The following CCNL1 variants were observed in gnomAD, a reference collection of about 807,000 sequenced individuals.
CCNL1 encodes cyclin-L1.
A neutral mutation model predicts 60.6 loss-of-function variants in CCNL1; 13 were observed. That is an observed-to-expected ratio of 0.21 (90% CI 0.14 to 0.34). The LOEUF is 0.34. CCNL1 is among the 10% of genes least tolerant of loss of function. The pLI is 1.00. For missense variants in CCNL1, 481 were observed against 664.3 expected (o/e 0.72, Z 3.03); for synonymous variants, 270 against 244.3 (o/e 1.10, Z -0.98).
chr3:157,159,640 G>A (rs976411679), intron 1 of CCNL1, 152 bp downstream of exon 1: 6 of 968,710 alleles, frequency 6.2e-6, no homozygotes, highest in South Asian at 3.5e-5. Flanking sequence ...GCAGCCCCCC[G>A]CCCCGGCACG....
intron 4 of CCNL1, 22 bp from the exon 5 acceptor site, chr3:157,152,263 C>T (rs768898067): frequency 1.9e-6 from 3 of 1,601,046 alleles, no homozygotes; most frequent in Non-Finnish European, 2.6e-6. Flanking sequence ...GGGAAAAAAA[C>T]TCAATTCAGT....
At chr3:157,147,244 C>CA (rs1388476210), downstream of CCNL1, among the ~76,000 whole-genome samples, 1 of 151,994 alleles carries the variant, frequency 6.6e-6, no homozygotes, top group Non-Finnish European at 1.5e-5. Context: ...AACTGATTTC[C>CA]AAAATGTTGA....
At chr3:157,149,737 A>G in intron 8 of CCNL1, 99 bp downstream of exon 8, 17 of 1,493,822 alleles carry the variant, frequency 1.1e-5, no homozygotes, top group Non-Finnish European at 1.5e-5. Flanking sequence ...GCAGTTTCCT[A>G]ACATCATTTT....
At chr3:157,152,396 C>T (rs1738261593) in intron 4 of CCNL1, 155 bp from the exon 5 acceptor site, 2 of 1,341,102 alleles carry the variant, frequency 1.5e-6, no homozygotes. Context: ...CTAATGTGAA[C>T]TGCTACATGA....
downstream of CCNL1, chr3:157,146,451 C>G (rs1425238469): frequency 2.4e-6 from 1 of 424,498 alleles, no homozygotes; most frequent in Admixed American, 2.8e-5. Context: ...TCTTCACAAA[C>G]AACCCTCACC....
chr3:157,159,120 AC>A (rs1274311818), intron 2 of CCNL1, 145 bp from the exon 3 acceptor site: 7 of 640,858 alleles, frequency 1.1e-5, no homozygotes, highest in Non-Finnish European at 1.9e-5. Context: ...CTAGTACTAT[AC>A]TTTTTGTTGT....
intron 3 of CCNL1, among the ~76,000 whole-genome samples, chr3:157,155,189 C>G (rs947970810): frequency 1.3e-5 from 2 of 152,160 alleles, no homozygotes; most frequent in Admixed American, 1.3e-4. Flanking sequence ...AAGACGGTAT[C>G]ATCAAAATCC....
intron 3 of CCNL1, 147 bp downstream of exon 3, chr3:157,158,719 G>C: frequency 1.8e-6 from 1 of 545,024 alleles, no homozygotes. Context: ...TTAAGTATCA[G>C]TGTTCCTATA....
At position 157,147,602 on chromosome 3, in the gene CCNL1, G is replaced by T; in HGVS notation, c.*639C>A. The T allele has an allele frequency of 1.0e-6, 1 of 985,266 alleles. No homozygotes were observed. Among genetic ancestry groups the T allele is most frequent in the Non-Finnish European group, 1.2e-6 (1 of 829,866 alleles). 61.0% of individuals were successfully genotyped at this position (985,266 alleles called of 1,614,324 possible). Reference sequence around the variant, plus strand: ...AACATTTAATGTCACATTGTTGGGCGACTCCCATTTACTTTTTCCATATAT... The same window carrying T: ...AACATTTAATGTCACATTGTTGGGCTACTCCCATTTACTTTTTCCATATAT... On this transcript the variant is annotated 3_prime_UTR_variant, in exon 11 of 11. Coordinates refer to ENST00000295926, the MANE Select transcript of CCNL1 (RefSeq NM_020307.4).
chr3:157,152,836 T>G, intron 4 of CCNL1, 200 bp downstream of exon 4: 1 of 1,324,188 alleles, frequency 7.6e-7, no homozygotes, highest in Non-Finnish European at 9.6e-7. Context: ...GATTTAAGAT[T>G]TGAACCTACA....
intron 2 of CCNL1, 66 bp from the exon 3 acceptor site, chr3:157,159,041 G>C (rs1401643407): frequency 9.3e-7 from 1 of 1,073,184 alleles, no homozygotes; most frequent in African/African-American, 1.6e-5. Flanking sequence ...ATAAAATTTA[G>C]AACACAATTG....
Position 157,149,373 on chromosome 3 carries a change from GTCTTT to G in CCNL1, c.1141_1145del (p.Lys381GlnfsTer5). 6.2e-7 allele frequency: 1 copy of G among 1,613,866 alleles called. No homozygotes were observed. The highest frequency in any genetic ancestry group is 8.5e-7 in the Non-Finnish European group (1 of 1,179,844). ...TTCTGCTATTTCTACTTCTCTTGCT[GTCTTT>G]TCTTACACTTCAAAAAATCATGACA... On this transcript the variant is annotated frameshift_variant, in exon 10 of 11. Transcript: ENST00000295926. LOFTEE classifies it high-confidence loss of function.
intron 4 of CCNL1, 122 bp from the exon 5 acceptor site, chr3:157,152,363 C>G: frequency 6.9e-7 from 1 of 1,447,786 alleles, no homozygotes; most frequent in South Asian, 1.6e-5. Context: ...ATAATACAGA[C>G]CAATTTAAAT....
downstream of CCNL1, chr3:157,147,540 A>T (rs1737829875): frequency 3.1e-6 from 3 of 979,126 alleles, no homozygotes; most frequent in Non-Finnish European, 3.6e-6. Flanking sequence ...ACACCATTCA[A>T]AAGCAAATCA....
downstream of CCNL1, among the ~76,000 whole-genome samples, chr3:157,147,193 C>G (rs1243989783): frequency 6.6e-6 from 1 of 152,056 alleles, no homozygotes; most frequent in East Asian, 1.9e-4. Flanking sequence ...TAATGGAGAC[C>G]TTAGTGTAAT....
In CCNL1 at chr3:157,148,731, A is replaced by G. The variant is rs112473291; in HGVS notation, c.1233-142T>C. On this transcript the variant is annotated intron_variant, in intron 10 of 10. Transcript: ENST00000295926. ...ACTTTTCAAAATCTCCCCACCCCTC[A>G]CTGCTGTATGCCCAAGCCTATATAT... is the stretch of plus-strand genomic sequence containing the variant. 1.3e-3 allele frequency: 849 copies of G among 653,958 alleles called. 4 individuals are homozygous for G. The highest frequency in any genetic ancestry group is 1.1e-3 in the Non-Finnish European group (436 of 387,478). The allele number at this position is 653,958 out of a possible 1,614,324, so 40.5% of individuals were successfully genotyped here. A position where few individuals can be genotyped will look rare whatever the true frequency, so the allele number is the denominator to read the frequency against.
At chr3:157,146,409 C>A, downstream of CCNL1, 1 of 351,794 alleles carries the variant, frequency 2.8e-6, no homozygotes, top group Non-Finnish European at 5.5e-6. Context: ...AAACCTCATT[C>A]CACATGCAGG....
chr3:157,156,856 G>A, intron 3 of CCNL1: 1 of 1,155,862 alleles, frequency 8.7e-7, no homozygotes, highest in East Asian at 5.8e-5. Context: ...CAAAGCTATA[G>A]TTCTAATAAC....
At chr3:157,151,994 C>A in intron 5 of CCNL1, 183 bp downstream of exon 5, 3 of 1,406,684 alleles carry the variant, frequency 2.1e-6, no homozygotes, top group Non-Finnish European at 2.8e-6. Flanking sequence ...AGTAATTAGT[C>A]AAGCCAAGAA....
Sources: gnomAD v4.1 joint callset for allele counts (sites outside exome capture counted in the v4.1 genomes callset) on GRCh38, gnomAD v4.1.1 for gene constraint, MANE v1.5 for transcripts, NCBI Gene and HGNC (gene_info 2026-07-23, HGNC 2026-07-21) for gene names.